ATP6V0A1: variants seen among roughly 807,000 people sequenced by gnomAD.
ATP6V0A1 encodes the protein V-type proton ATPase 116 kDa subunit a 1.
Under a neutral mutation model 105.4 loss-of-function variants are expected in ATP6V0A1, and 43 were observed. That is an observed-to-expected ratio of 0.41 (90% CI 0.32 to 0.53). The LOEUF is 0.53. Among genes scored for constraint, ATP6V0A1 ranks in the 20% least tolerant of loss-of-function variants. The probability of loss-of-function intolerance (pLI) is 0.30; values close to 1 mark genes in which losing one functional copy is unlikely to be tolerated. For missense variants in ATP6V0A1, 676 were observed against 1,051.1 expected, an observed-to-expected ratio of 0.64 and a Z score of 4.93; for synonymous variants, 362 against 372.8, an observed-to-expected ratio of 0.97 and a Z score of 0.33.
At chr17:42,516,745 A>G (rs1034307294) in intron 21 of ATP6V0A1, among the ~76,000 whole-genome samples, 3 of 152,154 alleles carry the variant, frequency 2.0e-5, no homozygotes, top group Non-Finnish European at 2.9e-5. Context: ...CCTCAGGCTC[A>G]CCTGTGGCCT....
intron 19 of ATP6V0A1, among the ~76,000 whole-genome samples, chr17:42,512,958 C>T (rs1028162982): frequency 6.6e-6 from 1 of 152,184 alleles, no homozygotes; most frequent in African/African-American, 2.4e-5. Flanking sequence ...CAGAGAGGCC[C>T]AGGGAAAGTA....
chr17:42,478,657 T>G, intron 7 of ATP6V0A1, 68 bp downstream of exon 7: 2 of 1,434,398 alleles, frequency 1.4e-6, no homozygotes, highest in Non-Finnish European at 1.9e-6. Flanking sequence ...TAACGTAGCA[T>G]GGGGCCACCT....
intron 14 of ATP6V0A1, among the ~76,000 whole-genome samples, chr17:42,497,919 G>A (rs371891249): frequency 2.8e-5 from 4 of 141,434 alleles, no homozygotes; most frequent in East Asian, 4.2e-4. Context: ...GTGACAGAGC[G>A]AGAGTTCATC....
chr17:42,499,502 G>A, intron 15 of ATP6V0A1, among the ~76,000 whole-genome samples: 1 of 151,362 alleles, frequency 6.6e-6, no homozygotes, highest in Non-Finnish European at 1.5e-5. Context: ...AAATTTCATG[G>A]TCTGGCCGGG....
At chr17:42,516,819 T>C (rs916025387) in intron 21 of ATP6V0A1, among the ~76,000 whole-genome samples, 5 of 152,206 alleles carry the variant, frequency 3.3e-5, no homozygotes, top group East Asian at 1.9e-4. Flanking sequence ...GGCTCCGGAA[T>C]TGGGCGACCT....
At chr17:42,512,841 G>C (rs544053202) in intron 19 of ATP6V0A1, among the ~76,000 whole-genome samples, 1 of 152,366 alleles carries the variant, frequency 6.6e-6, no homozygotes, top group South Asian at 2.1e-4. Flanking sequence ...GGCCGATGGG[G>C]AGGCCACTGA....
At chr17:42,460,290 A>G (rs1482000518) in intron 1 of ATP6V0A1, 1 of 152,194 alleles carries the variant, frequency 6.6e-6, no homozygotes, top group African/African-American at 2.4e-5. Flanking sequence ...TAAGTGGGGA[A>G]ATATTGTTTT....
At chr17:42,514,557 TG>T in intron 21 of ATP6V0A1, 97 bp downstream of exon 21, 1 of 1,286,884 alleles carries the variant, frequency 7.8e-7, no homozygotes, top group Non-Finnish European at 1.0e-6. Flanking sequence ...TGCAGCTCTG[TG>T]CAGGAAAGAT....
chr17:42,515,644 C>T (rs186623806), intron 21 of ATP6V0A1, among the ~76,000 whole-genome samples: 110 of 151,982 alleles, frequency 7.2e-4, no homozygotes, highest in Admixed American at 6.0e-3. Context: ...AAACATTAGC[C>T]GGGCATGGTG....
intron 10 of ATP6V0A1, among the ~76,000 whole-genome samples, chr17:42,487,727 C>CA (rs1053413169): frequency 6.8e-6 from 1 of 147,784 alleles, no homozygotes; most frequent in African/African-American, 2.6e-5. Context: ...GACTCTGTCT[C>CA]AAAAAAAAAA....
intron 3 of ATP6V0A1, among the ~76,000 whole-genome samples, chr17:42,466,740 TG>T (rs1261790038): frequency 1.2e-4 from 19 of 152,364 alleles, no homozygotes; most frequent in African/African-American, 4.3e-4. Flanking sequence ...GAAAACTGGT[TG>T]TTTTTTTGTG....
At chr17:42,507,715 C>T (rs764062038) in intron 18 of ATP6V0A1, 88 bp downstream of exon 18, 2 of 1,103,916 alleles carry the variant, frequency 1.8e-6, no homozygotes, top group Non-Finnish European at 2.8e-6. Context: ...CCAGTCTTCT[C>T]CTTGAAAAAT....
intron 5 of ATP6V0A1, 30 bp downstream of exon 5, chr17:42,470,248 G>A (rs369015633): frequency 2.5e-6 from 4 of 1,607,690 alleles, no homozygotes; most frequent in Non-Finnish European, 3.4e-6. Context: ...TAGTATTTGA[G>A]CAGCTGATAT....
chr17:42,466,502 A>G lies in ATP6V0A1; in HGVS notation c.191A>G (p.Lys64Arg), dbSNP rs2087076419. 3 of 1,612,678 alleles carry G rather than the reference A, an allele frequency of 1.9e-6. No individual in the cohort carries two copies. The highest frequency in any genetic ancestry group is 1.3e-5 in the African/African-American group (1 of 74,920). The change falls in exon 3 of 22, where the codon AAG becomes AGG. Residue 64 changes from lysine to arginine, a missense_variant. Coordinates refer to ENST00000343619, the MANE Select transcript of ATP6V0A1 (RefSeq NM_001130021.3). The part of the protein sequence containing the change: ...EVRRCEEMDR[K>R]LRFVEKEIRK... ...AGAAGATGTGAAGAAATGGATCGAA[A>G]GCTTCGTATGTGCACTTTGGTCTTG...
intron 2 of ATP6V0A1, among the ~76,000 whole-genome samples, chr17:42,466,216 C>T (rs529139801): frequency 6.6e-6 from 1 of 152,254 alleles, no homozygotes; most frequent in Admixed American, 6.5e-5. Context: ...GCCTCCATTC[C>T]AGTAATGTTG....
rs184598292 is a variant in ATP6V0A1, at chr17:42,520,524, C to T, written c.2421-503C>T. ...GAGAAGACTTCCCCTCCTAACTCCC[C>T]CTCTTTCCTTGGAATTTCCTTCCTT... is the stretch of plus-strand genomic sequence containing the variant. On this transcript the variant is annotated intron_variant, in intron 21 of 21. Transcript: ENST00000343619. 6 of 456,726 alleles carry T rather than the reference C, an allele frequency of 1.3e-5. No homozygotes were observed. In the East Asian group the frequency reaches 2.8e-4, roughly 21 times the overall value. The allele number at this position is 456,726 out of a possible 1,614,324, so 28.3% of individuals were successfully genotyped here.
chr17:42,486,306 G>A (rs2090105675), intron 9 of ATP6V0A1, among the ~76,000 whole-genome samples: 2 of 152,064 alleles, frequency 1.3e-5, no homozygotes, highest in Admixed American at 1.3e-4. Flanking sequence ...AGCTACTCAG[G>A]AGGCTGAGGC....
chr17:42,520,289 T>TG lies in ATP6V0A1; in HGVS notation c.2421-737dup, dbSNP rs1355765079. The TG allele has an allele frequency of 1.3e-5, 5 of 371,694 alleles. No homozygotes were observed. The Admixed American group carries it at 1.7e-4, about 13-fold the overall frequency. 23.0% of individuals were successfully genotyped at this position (371,694 alleles called of 1,614,324 possible). On this transcript the variant is annotated intron_variant, in intron 21 of 21. Transcript: ENST00000343619. ...GCTGGGCAGCTGTCCAGGGTGAGTTTGCAGGAGGAAGCACAGCCAAGCAGC... is the reference window on the plus strand; with the variant it reads ...GCTGGGCAGCTGTCCAGGGTGAGTTTGGCAGGAGGAAGCACAGCCAAGCAGC...
intron 21 of ATP6V0A1, among the ~76,000 whole-genome samples, chr17:42,516,170 A>C (rs1249148730): frequency 6.6e-6 from 1 of 152,158 alleles, no homozygotes; most frequent in African/African-American, 2.4e-5. Context: ...CTTCGTTCTC[A>C]AAACCTGAAG....
Sources: gnomAD v4.1 joint callset for allele counts (sites outside exome capture counted in the v4.1 genomes callset) on GRCh38, gnomAD v4.1.1 for gene constraint, MANE v1.5 for transcripts, NCBI Gene and HGNC (gene_info 2026-07-23, HGNC 2026-07-21) for gene names.